Variants in GLS2 observed in about 807,000 individuals in gnomAD.
GLS2 encodes glutaminase 2, also known as glutaminase liver isoform, mitochondrial.
Under a neutral mutation model 79.0 loss-of-function variants are expected in GLS2, and 52 were observed. The ratio of observed to expected loss-of-function variants is 0.66; its 90% CI spans 0.53 to 0.83. GLS2 has a LOEUF of 0.83. Ranked by LOEUF, GLS2 falls within the 40% of genes least tolerant of loss-of-function variation. GLS2 has a pLI of 0.00. For missense variants in GLS2, 561 were observed against 764.8 expected, an observed-to-expected ratio of 0.73 and a Z score of 3.14; for synonymous variants, 238 against 280.8, an observed-to-expected ratio of 0.85 and a Z score of 1.52.
At chr12:56,475,861 G>C in intron 8 of GLS2, 84 bp downstream of exon 8, 1 of 1,483,214 alleles carries the variant, frequency 6.7e-7, no homozygotes, top group Non-Finnish European at 9.4e-7. Context: ...CCTGGTAGTG[G>C]GGTTAGAGAG....
chr12:56,479,265 A>G (rs1870092607), intron 3 of GLS2, 84 bp from the exon 4 acceptor site: 1 of 1,543,418 alleles, frequency 6.5e-7, no homozygotes, highest in Admixed American at 1.9e-5. Context: ...GGGAATAAAG[A>G]AGGTTGAGTG....
chr12:56,473,770 T>G, intron 12 of GLS2, 176 bp from the exon 13 acceptor site: 1 of 691,058 alleles, frequency 1.4e-6, no homozygotes, highest in East Asian at 3.0e-5. Flanking sequence ...TCCCTTAAAT[T>G]CATTGATTCA....
chr12:56,474,510 T>C (rs748025203), intron 12 of GLS2, 34 bp downstream of exon 12: 5 of 1,611,918 alleles, frequency 3.1e-6, no homozygotes, highest in Non-Finnish European at 4.2e-6. Flanking sequence ...AGCACTGGGC[T>C]CATGACAGAT....
chr12:56,478,665 A>T, intron 4 of GLS2: 1 of 262,018 alleles, frequency 3.8e-6, no homozygotes. Context: ...CTCATCTCTC[A>T]TTCATAGGAC....
At chr12:56,483,394 G>A (rs1330041823) in intron 1 of GLS2, among the ~76,000 whole-genome samples, 1 of 151,818 alleles carries the variant, frequency 6.6e-6, no homozygotes, top group African/African-American at 2.4e-5. Context: ...CACACTGTTA[G>A]TAATAGTAAG....
rs1246204545 is a variant in GLS2 at position 56,479,874 on chromosome 12, A to C, written c.310T>G (p.Ser104Ala). The part of the protein sequence containing the change: ...TALKATGLQT[S>A]DPRLRDCMSE... ...ATGCAGTCTCGGAGCCGAGGATCTG[A>C]TGTCTGCAGTCCAGTGGCCTTTAGT... Residue 104 changes from serine to alanine, a missense_variant, in exon 3 of 18, where the codon TCA (serine) becomes GCA (alanine). Transcript: ENST00000311966. 1 of 1,613,130 alleles carries C rather than the reference A, an allele frequency of 6.2e-7. No homozygotes were observed. The highest frequency in any genetic ancestry group is 1.3e-5 in the African/African-American group (1 of 74,868).
rs1219027285 is a variant in GLS2 at position 56,475,996 on chromosome 12, A to G, written c.838-19T>C. 5 of 1,611,536 alleles carry G rather than the reference A, an allele frequency of 3.1e-6. No individual in the cohort carries two copies. Among genetic ancestry groups the G allele is most frequent in the Non-Finnish European group, 4.2e-6 (5 of 1,179,560 alleles). On this transcript the variant is annotated intron_variant, in intron 7 of 17. Coordinates refer to ENST00000311966, the MANE Select transcript of GLS2 (RefSeq NM_013267.4). ...AGTCCATCTGCAGAGAAAGAGAGAG[A>G]TGTCAGCATTCTAAGTGTAGGAGGA...
At chr12:56,486,514 T>C (rs1592285086) in intron 1 of GLS2, among the ~76,000 whole-genome samples, 2 of 152,058 alleles carry the variant, frequency 1.3e-5, no homozygotes, top group African/African-American at 4.8e-5. Flanking sequence ...GAAAGTACTG[T>C]GTAATATGGA....
rs1222904489 is a variant in GLS2 at position 56,471,138 on chromosome 12, C to T, written c.*349G>A. 2 of 411,794 alleles carry T rather than the reference C, an allele frequency of 4.9e-6. No individual in the cohort carries two copies. Among genetic ancestry groups the T allele is most frequent in the Non-Finnish European group, 4.3e-6 (1 of 234,196 alleles). The allele number at this position is 411,794 out of a possible 1,614,324, so 25.5% of individuals were successfully genotyped here. A position where few individuals can be genotyped will look rare whatever the true frequency, so the allele number is the denominator to read the frequency against. On this transcript the variant is annotated 3_prime_UTR_variant, in exon 18 of 18. Transcript: ENST00000311966. ...TGTACATGTGCATGGTAGCTAGAGTCCCTCCACCAGAGTATCTCTCTCATG... is the reference window on the plus strand; with the variant it reads ...TGTACATGTGCATGGTAGCTAGAGTTCCTCCACCAGAGTATCTCTCTCATG...
intron 12 of GLS2, 108 bp from the exon 13 acceptor site, chr12:56,473,702 A>C: frequency 7.3e-7 from 1 of 1,363,856 alleles, no homozygotes; most frequent in Non-Finnish European, 9.8e-7. Flanking sequence ...CATGACCACA[A>C]TCCACCTCAA....
intron 7 of GLS2, chr12:56,476,345 A>G (rs1052482288): frequency 1.5e-5 from 4 of 266,724 alleles, no homozygotes; most frequent in Admixed American, 5.0e-5. Context: ...TCCATTCTCA[A>G]TCCAAACCCT....
chr12:56,472,885 CTTT>C (rs952399444), intron 14 of GLS2, 134 bp from the exon 15 acceptor site: 5,752 of 392,796 alleles, frequency 0.015, no homozygotes, highest in Middle Eastern at 0.017. Flanking sequence ...CTGAAATATT[CTTT>C]TTTTTTTTTT....
intron 12 of GLS2, 47 bp downstream of exon 12, chr12:56,474,497 C>G (rs756255446): frequency 6.2e-7 from 1 of 1,608,704 alleles, no homozygotes; most frequent in Non-Finnish European, 8.5e-7. Flanking sequence ...GTTCTCTCTT[C>G]TTAGCACTGG....
At chr12:56,473,162 T>G in intron 14 of GLS2, 66 bp downstream of exon 14, 1 of 1,456,718 alleles carries the variant, frequency 6.9e-7, no homozygotes, top group South Asian at 1.2e-5. Context: ...GTGCAGGGAT[T>G]ACAGGCGTGA....
intron 9 of GLS2, 179 bp downstream of exon 9, chr12:56,475,445 A>G (rs1171988960): frequency 1.4e-6 from 1 of 720,922 alleles, no homozygotes; most frequent in South Asian, 1.9e-5. Context: ...GAAATGGAAC[A>G]AATTATTTTA....
At chr12:56,477,880 G>T in intron 6 of GLS2, 53 bp downstream of exon 6, 1 of 1,580,818 alleles carries the variant, frequency 6.3e-7, no homozygotes, top group Non-Finnish European at 8.6e-7. Context: ...ATGGGGTGGG[G>T]ATAAGGAGAA....
chr12:56,481,131 C>CT (rs796189449), intron 1 of GLS2, among the ~76,000 whole-genome samples: 194 of 137,562 alleles, frequency 1.4e-3, no homozygotes, highest in Non-Finnish European at 1.8e-3. Flanking sequence ...TTCAATCCAT[C>CT]TTTTTTTTTT....
intron 7 of GLS2, 108 bp from the exon 8 acceptor site, chr12:56,476,085 A>C: frequency 9.7e-7 from 1 of 1,035,722 alleles, no homozygotes; most frequent in Non-Finnish European, 1.5e-6. Flanking sequence ...CTGCTGCTGC[A>C]AATGTGTTCA....
rs938894452 is a variant in GLS2 at position 56,470,995 on chromosome 12, T to G, written c.*492A>C. The G allele has an allele frequency of 9.0e-4, 176 of 196,188 alleles. No individual in the cohort carries two copies. The highest frequency in any genetic ancestry group is 2.8e-4 in the Non-Finnish European group (27 of 97,402). The allele number at this position is 196,188 out of a possible 1,614,324, so 12.2% of individuals were successfully genotyped here. ...TTATTTGAACACAAAATACTTTCTC[T>G]GTCTATAAAATTGGCTGTTAGCAGT... On this transcript the variant is annotated 3_prime_UTR_variant, in exon 18 of 18. Transcript: ENST00000311966.
Sources: allele counts gnomAD v4.1 joint callset (sites outside exome capture counted in the v4.1 genomes callset), GRCh38; gene constraint gnomAD v4.1.1; transcripts MANE v1.5; gene names NCBI Gene and HGNC (gene_info 2026-07-23, HGNC 2026-07-21).